Variants in FAM227A observed in about 807,000 individuals in gnomAD.
FAM227A encodes protein FAM227A.
FAM227A carries 80 observed loss-of-function variants against 74.7 expected under a neutral mutation model. That is an observed-to-expected ratio of 1.07 (90% CI 0.89 to 1.29). The LOEUF is 1.29. Among genes scored for constraint, FAM227A ranks in the 50% most tolerant of loss-of-function variants. FAM227A has a pLI of 0.00. For synonymous variants in FAM227A, 237 were observed against 241.8 expected, an observed-to-expected ratio of 0.98 and a Z score of 0.19; for missense variants, 654 against 683.4, an observed-to-expected ratio of 0.96 and a Z score of 0.48.
In FAM227A at chr22:38,599,811, G is replaced by A. The variant is rs563989274; in HGVS notation, c.1332C>T (p.His444=). The change falls in exon 14 of 17, where the codon CAC becomes CAT. Residue 444 remains histidine (H), a synonymous_variant. Transcript: ENST00000535113. ...TTCTGACTATCAACACATTCTTGCC[G>A]TGCTGCTGCAGACTGGCATAGTTCT... ...FLQNYASLQQ[H]GKNVLIVRRE... The A allele has an allele frequency of 1.2e-5, 18 of 1,551,404 alleles. No homozygotes were observed. The highest frequency in any genetic ancestry group is 9.6e-5 in the African/African-American group (7 of 73,126).
chr22:38,603,765 A>G (rs913376700), intron 13 of FAM227A, among the ~76,000 whole-genome samples: 1 of 152,206 alleles, frequency 6.6e-6, no homozygotes, highest in African/African-American at 2.4e-5. Flanking sequence ...CTAGACTTCA[A>G]ACAAATTAGA....
chr22:38,587,197 C>A (rs1252514907), intron 16 of FAM227A, among the ~76,000 whole-genome samples: 2 of 152,282 alleles, frequency 1.3e-5, no homozygotes, highest in East Asian at 3.9e-4. Flanking sequence ...AATAACTTCA[C>A]TTTATGACTT....
In FAM227A at chr22:38,583,149, G is replaced by T; in HGVS notation, c.*2976C>A. ...CCTTGTACTCGGCAGGTGCTCACAC[G>T]TTCTGGTTTCAGAAGACTATACTTT... On this transcript the variant is annotated 3_prime_UTR_variant, in exon 17 of 17. Transcript: ENST00000535113. 18 of 498,900 alleles carry T rather than the reference G, an allele frequency of 3.6e-5. No homozygotes were observed. The highest frequency in any genetic ancestry group is 1.2e-4 in the South Asian group (4 of 33,338). 30.9% of individuals were successfully genotyped at this position (498,900 alleles called of 1,614,324 possible).
intron 10 of FAM227A, among the ~76,000 whole-genome samples, chr22:38,622,259 G>A (rs562678665): frequency 3.4e-4 from 52 of 152,346 alleles, no homozygotes; most frequent in Non-Finnish European, 6.8e-4. Flanking sequence ...AGCAGTCAGA[G>A]AGCTGCAACA....
At chr22:38,645,886 C>A (rs1396835096) in intron 2 of FAM227A, among the ~76,000 whole-genome samples, 3 of 152,082 alleles carry the variant, frequency 2.0e-5, no homozygotes, top group Admixed American at 1.3e-4. Context: ...CGGGCTCAAT[C>A]GATCCTCCCA....
chr22:38,647,465 A>G (rs1473901679), intron 2 of FAM227A, among the ~76,000 whole-genome samples: 1 of 151,814 alleles, frequency 6.6e-6, no homozygotes, highest in Non-Finnish European at 1.5e-5. Context: ...CAAAACAACG[A>G]AACAACAAAA....
intron 13 of FAM227A, among the ~76,000 whole-genome samples, chr22:38,604,093 G>A (rs1414417885): frequency 6.6e-6 from 1 of 152,124 alleles, no homozygotes; most frequent in Non-Finnish European, 1.5e-5. Context: ...TTGGGAGGCC[G>A]AAGGGGGCGG....
chr22:38,609,505 TTC>T (rs912267789), intron 11 of FAM227A, among the ~76,000 whole-genome samples: 3 of 152,182 alleles, frequency 2.0e-5, no homozygotes, highest in African/African-American at 7.2e-5. Context: ...GACATTTGCA[TTC>T]TGTCTTTTAG....
At chr22:38,614,673 G>A (rs1392445353) in intron 11 of FAM227A, among the ~76,000 whole-genome samples, 1 of 152,198 alleles carries the variant, frequency 6.6e-6, no homozygotes, top group Non-Finnish European at 1.5e-5. Flanking sequence ...TAAAACTTCA[G>A]CTGTGCTCAA....
intron 2 of FAM227A, among the ~76,000 whole-genome samples, chr22:38,647,898 A>G (rs1364540947): frequency 6.6e-6 from 1 of 152,200 alleles, no homozygotes; most frequent in Admixed American, 6.6e-5. Flanking sequence ...AAGAGGGGAC[A>G]TTAGAAAGCA....
At chr22:38,589,148 A>G (rs1242284952) in intron 16 of FAM227A, among the ~76,000 whole-genome samples, 1 of 152,148 alleles carries the variant, frequency 6.6e-6, no homozygotes, top group Non-Finnish European at 1.5e-5. Flanking sequence ...GCAGACAGAC[A>G]TGAAGAAGGC....
chr22:38,641,177 A>G (rs1215586699), intron 3 of FAM227A, among the ~76,000 whole-genome samples: 1 of 152,128 alleles, frequency 6.6e-6, no homozygotes, highest in Non-Finnish European at 1.5e-5. Flanking sequence ...GGGGGGAAAG[A>G]TGGTAAGACC....
At chr22:38,613,176 ATT>A (rs1247871589) in intron 11 of FAM227A, among the ~76,000 whole-genome samples, 3 of 81,878 alleles carry the variant, frequency 3.7e-5, no homozygotes, top group South Asian at 3.1e-4. Context: ...CTGTATATAT[ATT>A]ATATATAATA....
chr22:38,617,056 G>C (rs1423038514), intron 11 of FAM227A, among the ~76,000 whole-genome samples: 3 of 152,074 alleles, frequency 2.0e-5, no homozygotes, highest in Non-Finnish European at 2.9e-5. Context: ...GGAAGGACAC[G>C]CTGCAGGGGA....
Position 38,582,011 on chromosome 22 carries a change from G to A in FAM227A, c.*4114C>T. ...TCTTGCCTTGGCCTTCCAAAGTGCT[G>A]GGATTACAGGTGTGAGCCACCATGC... is the stretch of plus-strand genomic sequence containing the variant. On this transcript the variant is annotated 3_prime_UTR_variant, in exon 17 of 17. Coordinates refer to ENST00000535113, the MANE Select transcript of FAM227A (RefSeq NM_001013647.2). 4.4e-6 allele frequency: 1 copy of A among 224,734 alleles called. No individual in the cohort carries two copies. Among genetic ancestry groups the A allele is most frequent in the African/African-American group, 2.3e-5 (1 of 43,460 alleles). 13.9% of individuals were successfully genotyped at this position (224,734 alleles called of 1,614,324 possible).
intron 12 of FAM227A, 35 bp from the exon 13 acceptor site, chr22:38,605,383 A>T (rs945226049): frequency 7.7e-7 from 1 of 1,290,482 alleles, no homozygotes; most frequent in African/African-American, 1.5e-5. Flanking sequence ...AATGACCATT[A>T]GGTTCAAGCA....
intron 16 of FAM227A, among the ~76,000 whole-genome samples, chr22:38,588,036 T>C (rs972446382): frequency 6.6e-6 from 1 of 151,686 alleles, no homozygotes; most frequent in African/African-American, 2.4e-5. Flanking sequence ...ATCAGAAAAA[T>C]AGGAATAGGA....
intron 15 of FAM227A, among the ~76,000 whole-genome samples, chr22:38,596,438 G>A (rs1285455109): frequency 2.6e-5 from 4 of 152,210 alleles, no homozygotes; most frequent in African/African-American, 4.8e-5. Context: ...CAGCACTCCA[G>A]AGGAGGCTAA....
intron 9 of FAM227A, among the ~76,000 whole-genome samples, chr22:38,625,895 A>T (rs1322156919): frequency 2.0e-5 from 3 of 149,060 alleles, no homozygotes; most frequent in African/African-American, 7.5e-5. Flanking sequence ...GTGAGCCCAG[A>T]TCGCACCATT....
Sources: allele counts gnomAD v4.1 joint callset (sites outside exome capture counted in the v4.1 genomes callset), GRCh38; gene constraint gnomAD v4.1.1; transcripts MANE v1.5; gene names NCBI Gene and HGNC (gene_info 2026-07-23, HGNC 2026-07-21).